Variants in NR2F1-AS1 observed in about 807,000 individuals in gnomAD.
NR2F1-AS1 encodes NR2F1 regulatory antisense RNA 1, also known as NR2F1 antisense RNA 1.
intron 4 of NR2F1-AS1, among the ~76,000 whole-genome samples, chr5:93,435,302 A>C (rs1187649343): frequency 6.6e-6 from 1 of 152,148 alleles, no homozygotes; most frequent in Non-Finnish European, 1.5e-5. Context: ...TTTGAAACTC[A>C]AATTGTCTGA....
intron 4 of NR2F1-AS1, among the ~76,000 whole-genome samples, chr5:93,417,020 GA>G (rs1748982108): frequency 6.6e-6 from 1 of 152,066 alleles, no homozygotes; most frequent in African/African-American, 2.4e-5. Flanking sequence ...ACAGATGGGG[GA>G]AAATACTCAG....
chr5:93,567,595 T>G (rs925581728), intron 1 of NR2F1-AS1, among the ~76,000 whole-genome samples: 3 of 152,188 alleles, frequency 2.0e-5, no homozygotes, highest in African/African-American at 7.2e-5. Context: ...ATTAATCCTT[T>G]GCAGGCTGCA....
At chr5:93,563,964 T>C (rs1752553736) in intron 1 of NR2F1-AS1, among the ~76,000 whole-genome samples, 1 of 151,368 alleles carries the variant, frequency 6.6e-6, no homozygotes, top group Non-Finnish European at 1.5e-5. Context: ...TAGCCTGGCG[T>C]AGTGGCTGGC....
intron 4 of NR2F1-AS1, among the ~76,000 whole-genome samples, chr5:93,547,272 T>C (rs776866515): frequency 6.5e-4 from 99 of 152,204 alleles, no homozygotes; most frequent in Non-Finnish European, 1.2e-3. Flanking sequence ...AAGTACTAGG[T>C]AGACATCAAA....
chr5:93,527,384 T>C (rs1751640044), intron 4 of NR2F1-AS1, among the ~76,000 whole-genome samples: 1 of 152,192 alleles, frequency 6.6e-6, no homozygotes, highest in African/African-American at 2.4e-5. Flanking sequence ...TGCTCATGGA[T>C]AGGAAGAATC....
intron 4 of NR2F1-AS1, chr5:93,423,276 T>C (rs567287261): frequency 6.6e-6 from 1 of 152,308 alleles, no homozygotes; most frequent in South Asian, 2.1e-4. Context: ...AATCCTTTCA[T>C]TTTAATAATA....
intron 4 of NR2F1-AS1, among the ~76,000 whole-genome samples, chr5:93,446,211 G>A (rs1052876424): frequency 6.6e-6 from 1 of 152,026 alleles, no homozygotes. Context: ...GGCAATCAGG[G>A]AGGAGGAAGA....
rs184276596 is a variant in NR2F1-AS1 at position 93,577,344 on chromosome 5, G to A, written n.313+3123C>T. On this transcript the variant is annotated intron_variant and non_coding_transcript_variant, in intron 1 of 5. Coordinates refer to ENST00000660523, the Ensembl canonical transcript of NR2F1-AS1. Reference sequence around the variant, plus strand: ...GAAGAAATGCCTGGGCTACCAGAGCGATAGTAAACCCTGGAGTCTGTTGGG... The same window carrying A: ...GAAGAAATGCCTGGGCTACCAGAGCAATAGTAAACCCTGGAGTCTGTTGGG... Among the ~76,000 whole-genome samples the A allele has an allele frequency of 1.4e-3, 220 of 152,362 alleles. 2 individuals carry two copies. Among genetic ancestry groups the A allele is most frequent in the African/African-American group, 5.0e-3 (208 of 41,590 alleles).
chr5:93,434,009 CT>C (rs1225263845), intron 4 of NR2F1-AS1, among the ~76,000 whole-genome samples: 1 of 152,180 alleles, frequency 6.6e-6, no homozygotes, highest in South Asian at 2.1e-4. Flanking sequence ...TCCATATGCT[CT>C]TTTTTTCCCA....
intron 4 of NR2F1-AS1, among the ~76,000 whole-genome samples, chr5:93,540,824 A>C (rs1034651023): frequency 6.6e-6 from 1 of 152,206 alleles, no homozygotes; most frequent in African/African-American, 2.4e-5. Flanking sequence ...GCTGAAATTG[A>C]GAGACTCTGG....
At chr5:93,491,990 T>A (rs1028594297) in intron 4 of NR2F1-AS1, among the ~76,000 whole-genome samples, 1 of 152,174 alleles carries the variant, frequency 6.6e-6, no homozygotes, top group Non-Finnish European at 1.5e-5. Flanking sequence ...TCTATATATA[T>A]CCTATTGGTT....
intron 4 of NR2F1-AS1, among the ~76,000 whole-genome samples, chr5:93,508,348 A>G (rs1379749809): frequency 1.3e-5 from 2 of 152,170 alleles, no homozygotes; most frequent in African/African-American, 2.4e-5. Context: ...GGTACGCTAT[A>G]TTAGAAAGTT....
intron 2 of NR2F1-AS1, among the ~76,000 whole-genome samples, chr5:93,560,181 A>G (rs749741727): frequency 3.1e-4 from 47 of 152,202 alleles, no homozygotes; most frequent in Non-Finnish European, 4.4e-4. Flanking sequence ...AACAGATATT[A>G]ATAATAATAA....
At position 93,562,426 on chromosome 5, in the gene NR2F1-AS1, G is replaced by T. The variant is rs1237071119; in HGVS notation, n.413+938C>A. 3.3e-5 allele frequency among the ~76,000 whole-genome samples: 5 copies of T among 151,932 alleles called. No homozygotes were observed. In the South Asian group the frequency reaches 6.2e-4, roughly 19 times the overall value. ...CCCACCTCAGCCTCCCAAGGAGATG[G>T]GTCCACAGGCACATGCCACCAAGCT... On this transcript the variant is annotated intron_variant and non_coding_transcript_variant, in intron 2 of 5. Transcript: ENST00000660523.
At chr5:93,504,461 T>C (rs951664680) in intron 4 of NR2F1-AS1, among the ~76,000 whole-genome samples, 70 of 152,168 alleles carry the variant, frequency 4.6e-4, no homozygotes, top group Non-Finnish European at 7.3e-5. Flanking sequence ...AAGCATGATA[T>C]TCCAGAGAAT....
At chr5:93,466,270 C>T (rs1477929920) in intron 4 of NR2F1-AS1, among the ~76,000 whole-genome samples, 1 of 151,624 alleles carries the variant, frequency 6.6e-6, no homozygotes, top group Admixed American at 6.6e-5. Context: ...ATCTCTTTTC[C>T]TCCTCCTCTT....
chr5:93,581,186 G>C (rs1158841976), upstream of NR2F1-AS1: 1 of 152,198 alleles, frequency 6.6e-6, no homozygotes, highest in Non-Finnish European at 1.5e-5. Context: ...TTTACCTGAG[G>C]GCGTGTTGGC....
chr5:93,512,569 A>C (rs926102921), intron 4 of NR2F1-AS1, among the ~76,000 whole-genome samples: 1 of 152,178 alleles, frequency 6.6e-6, no homozygotes, highest in Non-Finnish European at 1.5e-5. Flanking sequence ...ACTATACAGT[A>C]ATGTCCGAAG....
chr5:93,412,729 G>A (rs977391562), intron 4 of NR2F1-AS1, among the ~76,000 whole-genome samples: 1 of 151,960 alleles, frequency 6.6e-6, no homozygotes, highest in Non-Finnish European at 1.5e-5. Context: ...TCCATTCCAG[G>A]CCCCCAGCTG....
Sources: allele counts gnomAD v4.1 joint callset (sites outside exome capture counted in the v4.1 genomes callset), GRCh38; gene constraint gnomAD v4.1.1; transcripts MANE v1.5; gene names NCBI Gene and HGNC (gene_info 2026-07-23, HGNC 2026-07-21).